Variants in LRRK1 observed in about 807,000 individuals in gnomAD.
LRRK1 encodes leucine rich repeat kinase 1.
A neutral mutation model predicts 209.1 loss-of-function variants in LRRK1; 113 were observed. The ratio of observed to expected loss-of-function variants is 0.54; its 90% confidence interval spans 0.46 to 0.63. The LOEUF (loss-of-function observed/expected upper bound fraction) is 0.63. Ranked by LOEUF, LRRK1 falls within the 30% of genes least tolerant of loss-of-function variation. LRRK1 has a pLI of 0.00. For missense variants in LRRK1, 2,284 were observed against 2,632.2 expected (o/e 0.87, Z 2.89); for synonymous variants, 1,144 against 1,099.7 (o/e 1.04, Z -0.80).
chr15:100,978,186 T>C (rs2031403941), intron 3 of LRRK1, among the ~76,000 whole-genome samples: 1 of 151,768 alleles, frequency 6.6e-6, no homozygotes, highest in African/African-American at 2.4e-5. Flanking sequence ...AATTACCCAC[T>C]CTGGAACAAA....
At chr15:100,987,583 A>G (rs753885070) in intron 4 of LRRK1, among the ~76,000 whole-genome samples, 13 of 152,164 alleles carry the variant, frequency 8.5e-5, no homozygotes, top group Non-Finnish European at 1.6e-4. Flanking sequence ...ATATATGTAT[A>G]TTATAGATAA....
chr15:101,013,445 T>C (rs1300160258), intron 10 of LRRK1, among the ~76,000 whole-genome samples: 3 of 151,930 alleles, frequency 2.0e-5, no homozygotes, highest in Non-Finnish European at 4.4e-5. Flanking sequence ...AAGTAAAACG[T>C]GGGCCAGGCA....
chr15:101,074,149 C>T lies in LRRK1; in HGVS notation c.*5301C>T, dbSNP rs1192243413. ...CCCGCCTGTCTCCTCAGTCCCAACC[C>T]CAAGCATCGCTGAGTCTTTCTAATC... On this transcript the variant is annotated 3_prime_UTR_variant, in exon 34 of 34. Coordinates refer to ENST00000388948, the MANE Select transcript of LRRK1 (RefSeq NM_024652.6). The T allele has an allele frequency of 5.9e-5, 9 of 152,174 alleles. No individual in the cohort carries two copies. The highest frequency in any genetic ancestry group is 3.9e-4 in the Admixed American group (6 of 15,280). 9.4% of individuals were successfully genotyped at this position (152,174 alleles called of 1,614,324 possible).
chr15:100,932,619 C>T (rs1315558210), intron 2 of LRRK1, among the ~76,000 whole-genome samples: 1 of 152,206 alleles, frequency 6.6e-6, no homozygotes, highest in Non-Finnish European at 1.5e-5. Context: ...GGCTGTCAGA[C>T]AGAAGGGACT....
At position 100,919,936 on chromosome 15, in the gene LRRK1, C is replaced by G. The variant is rs934158093; in HGVS notation, c.-123+485C>G. 1.3e-5 allele frequency: 2 copies of G among 152,494 alleles called. No individual in the cohort carries two copies. Among genetic ancestry groups the G allele is most frequent in the African/African-American group, 2.4e-5 (1 of 41,462 alleles). The allele number at this position is 152,494 out of a possible 1,614,324, so 9.4% of individuals were successfully genotyped here. A position where few individuals can be genotyped will look rare whatever the true frequency, so the allele number is the denominator to read the frequency against. Reference sequence around the variant, plus strand: ...GCCGGGGTGTCGGCAAGAGACCGCCCGGGAGCCTCTCGCTGGTCCGGGGCT... The same window carrying G: ...GCCGGGGTGTCGGCAAGAGACCGCCGGGGAGCCTCTCGCTGGTCCGGGGCT... On this transcript the variant is annotated intron_variant, in intron 1 of 33. Transcript: ENST00000388948. This position sits in a 1 kb window ranked among gnomAD's most constrained non-coding sequence, Gnocchi z 5.8.
chr15:101,056,395 C>T (rs186144739), intron 27 of LRRK1, among the ~76,000 whole-genome samples: 8 of 152,226 alleles, frequency 5.3e-5, no homozygotes, highest in Admixed American at 2.0e-4. Flanking sequence ...ACAGCAAGTT[C>T]TCAGTGTGTT....
At chr15:100,921,558 CG>C (rs1370964339) in intron 1 of LRRK1, among the ~76,000 whole-genome samples, 2 of 152,192 alleles carry the variant, frequency 1.3e-5, no homozygotes, top group Non-Finnish European at 2.9e-5. Flanking sequence ...TAACTGATAT[CG>C]ACAGTCCTTC....
chr15:100,983,869 T>C, intron 4 of LRRK1, 170 bp downstream of exon 4: 1 of 772,030 alleles, frequency 1.3e-6, no homozygotes, highest in Non-Finnish European at 2.4e-6. Context: ...ACATTCCACC[T>C]CTCACTCCCA....
intron 2 of LRRK1, among the ~76,000 whole-genome samples, chr15:100,953,485 A>T (rs1362398759): frequency 7.0e-6 from 1 of 142,482 alleles, no homozygotes; most frequent in Non-Finnish European, 1.5e-5. Flanking sequence ...ATAGTATTCC[A>T]TTGTGTGTGT....
rs1176201849 is a variant in LRRK1 at position 100,972,363 on chromosome 15, A to AGAGAGT, written c.98-1440_98-1439insAGAGTG. Among the ~76,000 whole-genome samples the AGAGAGT allele has an allele frequency of 1.9e-3, 184 of 98,494 alleles. 2 individuals are homozygous for AGAGAGT. The highest frequency in any genetic ancestry group is 4.2e-3 in the African/African-American group (84 of 20,234). 64.6% of individuals were successfully genotyped at this position (98,494 alleles called of 152,430 possible). A position where few individuals can be genotyped will look rare whatever the true frequency, so the allele number is the denominator to read the frequency against. ...GAGAGAGAGAGAGAGAGAGAGAGAG[A>AGAGAGT]GTGTGTGTGTGTGTGTGTGTGTGTG... On this transcript the variant is annotated intron_variant, in intron 2 of 33. Transcript: ENST00000388948.
In LRRK1 at chr15:101,012,145, T is replaced by C. The variant is rs374867216; in HGVS notation, c.1419T>C (p.Asp473=). ...KEVPLGLFQL[D]ALMFLRLQGN... is the part of the protein sequence containing the mutation. ...TTCCCCTGGGACTTTTCCAGCTTGA[T>C]GTAAGCCTAATAGCCCTTTCTTTCT... Residue 473 remains aspartate (D), a splice_region_variant and synonymous_variant, in exon 10 of 34, where the codon GAT becomes GAC. Coordinates refer to ENST00000388948, the MANE Select transcript of LRRK1 (RefSeq NM_024652.6). The C allele has an allele frequency of 6.2e-6, 10 of 1,605,032 alleles. No homozygotes were observed. The highest frequency in any genetic ancestry group is 5.4e-5 in the African/African-American group (4 of 74,320).
intron 2 of LRRK1, among the ~76,000 whole-genome samples, chr15:100,963,655 A>G (rs956941132): frequency 4.0e-4 from 61 of 152,188 alleles, no homozygotes; most frequent in Admixed American, 3.9e-3. Context: ...TTTAGTGTGC[A>G]CCGTGTCATT....
rs12324163 is a variant in LRRK1 at position 101,023,567 on chromosome 15, G to A, written c.2067+970G>A. ...ACTGTATTTGGATTTCTGCCACCCT[G>A]TGATTCCTCGGGATCCAAGGGGCAA... On this transcript the variant is annotated intron_variant, in intron 15 of 33. Coordinates refer to ENST00000388948, the MANE Select transcript of LRRK1 (RefSeq NM_024652.6). Among the ~76,000 whole-genome samples, 1,262 of 152,274 alleles carry A rather than the reference G, an allele frequency of 8.3e-3. 25 individuals are homozygous for A. Among genetic ancestry groups the A allele is most frequent in the African/African-American group, 0.029 (1,189 of 41,534 alleles).
At chr15:100,929,894 C>T (rs964736090) in intron 2 of LRRK1, among the ~76,000 whole-genome samples, 1 of 152,190 alleles carries the variant, frequency 6.6e-6, no homozygotes, top group Non-Finnish European at 1.5e-5. Flanking sequence ...AGGTGGCAGG[C>T]GAGGTGGCTG....
chr15:101,014,208 G>A (rs2033421506), intron 10 of LRRK1, 108 bp from the exon 11 acceptor site: 2 of 756,882 alleles, frequency 2.6e-6, no homozygotes, highest in Non-Finnish European at 4.4e-6. Context: ...AAAATTGGTT[G>A]GAATCGTTTG....
rs1234869756 is a variant in LRRK1, at chr15:101,024,349, C to G, written c.2068-454C>G. 6.6e-6 allele frequency among the ~76,000 whole-genome samples: 1 copy of G among 152,210 alleles called. No homozygotes were observed. The highest frequency in any genetic ancestry group is 1.5e-5 in the Non-Finnish European group (1 of 68,030). ...CAACAGCTCATCTTTTGTTTGATTC[C>G]CACAGGGTGGGAGGGAGTTTCCCAG... On this transcript the variant is annotated intron_variant, in intron 15 of 33. Coordinates refer to ENST00000388948, the MANE Select transcript of LRRK1 (RefSeq NM_024652.6). This position sits in a 1 kb window ranked among gnomAD's most constrained non-coding sequence, Gnocchi z 4.6.
chr15:100,962,350 C>A (rs529518835), intron 2 of LRRK1, among the ~76,000 whole-genome samples: 2 of 151,798 alleles, frequency 1.3e-5, no homozygotes, highest in Non-Finnish European at 2.9e-5. Context: ...GCCAATGTGG[C>A]GAAACCCTGT....
At chr15:100,922,008 G>A (rs1028279476) in intron 1 of LRRK1, among the ~76,000 whole-genome samples, 3 of 152,110 alleles carry the variant, frequency 2.0e-5, no homozygotes, top group Non-Finnish European at 4.4e-5. Flanking sequence ...GTGAACCACC[G>A]CACCCATCTA....
chr15:100,933,821 C>CAAAAAAAA (rs67129854), intron 2 of LRRK1, among the ~76,000 whole-genome samples: 1 of 42,866 alleles, frequency 2.3e-5, no homozygotes, highest in African/African-American at 9.2e-5. Flanking sequence ...GACTCCATCT[C>CAAAAAAAA]AAAAAAAAAA....
Sources: allele counts gnomAD v4.1 joint callset (sites outside exome capture counted in the v4.1 genomes callset), GRCh38; gene constraint gnomAD v4.1.1; non-coding constraint Gnocchi (gnomAD v3.1); transcripts MANE v1.5; gene names NCBI Gene and HGNC (gene_info 2026-07-23, HGNC 2026-07-21).